Variants in CASP10 observed in about 807,000 individuals in gnomAD.
CASP10 encodes caspase 10, also known as caspase-10.
Under a neutral mutation model 48.5 loss-of-function variants are expected in CASP10, and 41 were observed. The observed-to-expected ratio is 0.85, with a 90% CI of 0.66 to 1.10. The LOEUF is 1.10. Among genes scored for constraint, CASP10 ranks in the 50% least tolerant of loss-of-function variants. CASP10 has a pLI of 0.00. For missense variants in CASP10, 614 were observed against 614.5 expected (o/e 1.00, Z 0.01); for synonymous variants, 232 against 238.4 (o/e 0.97, Z 0.25).
chr2:201,205,887 A>G lies in CASP10; in HGVS notation c.727A>G (p.Arg243Gly). 6.2e-7 allele frequency: 1 copy of G among 1,603,808 alleles called. No homozygotes were observed. Among genetic ancestry groups the G allele is most frequent in the Non-Finnish European group, 8.5e-7 (1 of 1,170,650 alleles). Residue 243 changes from arginine to glycine, a missense_variant, in exon 7 of 10, where the codon AGA becomes GGA. By Grantham distance (125) the Arg-to-Gly change is moderately radical. Transcript: ENST00000286186. ...CTGAGTACCTCTCTTTCTAGGTAAC[A>G]GAGCCACAAATGGTGCACCAAGCCT... Reference protein sequence around the residue: ...QNKHAGSNGNRATNGAPSLVS... With the variant: ...QNKHAGSNGNGATNGAPSLVS...
chr2:201,204,132 G>A lies in CASP10; in HGVS notation c.721+366G>A, dbSNP rs41393247. On this transcript the variant is annotated intron_variant, in intron 6 of 9. Coordinates refer to ENST00000286186, the MANE Select transcript of CASP10 (RefSeq NM_032977.4). ...ACAGCAGAATGTGCAGTCTGGGTGCGTGTCCTCTATGGAGTGGTTCCAGAT... is the reference window on the plus strand; with the variant it reads ...ACAGCAGAATGTGCAGTCTGGGTGCATGTCCTCTATGGAGTGGTTCCAGAT... 3.3e-3 allele frequency among the ~76,000 whole-genome samples: 496 copies of A among 152,308 alleles called. 2 individuals carry two copies. The highest frequency in any genetic ancestry group is 0.011 in the African/African-American group (466 of 41,568).
Position 201,185,795 on chromosome 2 carries a change from A to C in CASP10, c.18A>C (p.Gln6His), listed in dbSNP as rs1485351069. 1 of 1,613,664 alleles carries C rather than the reference A, an allele frequency of 6.2e-7. No homozygotes were observed. The highest frequency in any genetic ancestry group is 1.3e-5 in the African/African-American group (1 of 74,904). The stretch of plus-strand genomic sequence containing the variant: ...GGCTGGCCATGAAATCTCAAGGTCA[A>C]CATTGGTATTCCAGTTCAGATAAAA... Reference protein sequence around the residue: MKSQGQHWYSSSDKNC... With the variant: MKSQGHHWYSSSDKNC... Residue 6 changes from glutamine (Q) to histidine (H), a missense_variant, in exon 2 of 10, where the codon CAA (glutamine) becomes CAC (histidine). Transcript: ENST00000286186.
chr2:201,183,593 G>A (rs986917439), intron 1 of CASP10, among the ~76,000 whole-genome samples: 2 of 152,194 alleles, frequency 1.3e-5, no homozygotes, highest in Non-Finnish European at 2.9e-5. Flanking sequence ...AATGCTAGAT[G>A]CGGTAGAATA....
Position 201,187,717 on chromosome 2 carries a change from A to G in CASP10, c.359A>G (p.Tyr120Cys). ...GGTGTGTGTCTTAGAAACCTGCTCT[A>G]CGAACTGTCAGAAGGCATTGACTCA... ...QRVSLFRNLL[Y>C]ELSEGIDSEN... is the part of the protein sequence containing the mutation. The change falls in exon 3 of 10, where the codon TAC becomes TGC. Residue 120 changes from tyrosine (Y) to cysteine (C), a missense_variant. By Grantham distance (194) the Tyr-to-Cys change is radical (BLOSUM62 -2). Transcript: ENST00000286186. 1 of 1,613,866 alleles carries G rather than the reference A, an allele frequency of 6.2e-7. No individual in the cohort carries two copies.
Position 201,204,627 on chromosome 2 carries a change from A to G in CASP10, c.721+861A>G, listed in dbSNP as rs547592583. On this transcript the variant is annotated intron_variant, in intron 6 of 9. Transcript: ENST00000286186. ...AATCTAGTGCTTTGCACTGCAGCTA[A>G]AAGGCACCGCAGCTAAAAAGAAGTG... Among the ~76,000 whole-genome samples the G allele has an allele frequency of 6.6e-5, 10 of 152,288 alleles. No homozygotes were observed. In the East Asian group the frequency reaches 1.9e-3, roughly 29 times the overall value.
At position 201,219,593 on chromosome 2, in the gene CASP10, C is replaced by T. The variant is rs1945670327; in HGVS notation, c.*1852C>T. 1 of 985,378 alleles carries T rather than the reference C, an allele frequency of 1.0e-6. No homozygotes were observed. The highest frequency in any genetic ancestry group is 6.1e-5 in the Admixed American group (1 of 16,270). 61.0% of individuals were successfully genotyped at this position (985,378 alleles called of 1,614,324 possible). A position where few individuals can be genotyped will look rare whatever the true frequency, so the allele number is the denominator to read the frequency against. ...CAGAAACTGAAGCTGTTCTCAGGAT[C>T]ACTGGGCTCTTCTTGGCAGAGGGGA... On this transcript the variant is annotated 3_prime_UTR_variant, in exon 10 of 10. Transcript: ENST00000286186.
chr2:201,193,041 C>G lies in CASP10; in HGVS notation c.499C>G (p.Leu167Val). Residue 167 changes from leucine to valine, a missense_variant, in exon 4 of 10, where the codon CTG (leucine) becomes GTG (valine). Leu to Val is a conservative substitution (Grantham distance 32). Coordinates refer to ENST00000286186, the MANE Select transcript of CASP10 (RefSeq NM_032977.4). ...ACAAGGTAAAATAGATGAAGATAAT[C>G]TGACATGCCTGGAGGACCTCTGCAA... ...EKQGKIDEDN[L>V]TCLEDLCKTV... 2.5e-6 allele frequency: 4 copies of G among 1,613,618 alleles called. No homozygotes were observed. Among genetic ancestry groups the G allele is most frequent in the Non-Finnish European group, 3.4e-6 (4 of 1,179,596 alleles).
rs531380265 is a variant in CASP10, at chr2:201,188,015, T to C, written c.441+216T>C. Among the ~76,000 whole-genome samples the C allele has an allele frequency of 2.0e-5, 3 of 152,274 alleles. No homozygotes were observed. The South Asian group carries it at 6.2e-4, about 32-fold the overall frequency. On this transcript the variant is annotated intron_variant, in intron 3 of 9. Transcript: ENST00000286186. The stretch of plus-strand genomic sequence containing the variant: ...AGGCCAATGATTGAACTTTTCTGAG[T>C]CTCTATTTTCTTAGACGTAAAATTG...
downstream of CASP10, among the ~76,000 whole-genome samples, chr2:201,222,302 C>A (rs908017663): frequency 6.7e-6 from 1 of 149,564 alleles, no homozygotes; most frequent in East Asian, 2.0e-4. Context: ...CTGCAACCTT[C>A]GTCTCCTGGG....
chr2:201,190,693 G>A (rs955416080), intron 3 of CASP10, among the ~76,000 whole-genome samples: 2 of 152,076 alleles, frequency 1.3e-5, no homozygotes, highest in African/African-American at 4.8e-5. Context: ...ATGAGGTGGC[G>A]GGTGAGGGAC....
At chr2:201,197,184 C>CTTATGTTG (rs1559300275) in intron 5 of CASP10, among the ~76,000 whole-genome samples, 1 of 151,178 alleles carries the variant, frequency 6.6e-6, no homozygotes, top group Admixed American at 6.6e-5. Context: ...GCTATGTTGC[C>CTTATGTTG]CAGGCTGGTC....
At chr2:201,227,531 G>A (rs964312242) in intron 9 of CASP10, among the ~76,000 whole-genome samples, 1 of 152,184 alleles carries the variant, frequency 6.6e-6, no homozygotes, top group East Asian at 1.9e-4. Flanking sequence ...ATCCCAAACA[G>A]TTTCTTTTTT....
At position 201,209,137 on chromosome 2, in the gene CASP10, G is replaced by T. The variant is rs961557376; in HGVS notation, c.990G>T (p.Val330=). The change falls in exon 9 of 10, where the codon GTG becomes GTT. Residue 330 remains valine (V), a synonymous_variant. Coordinates refer to ENST00000286186, the MANE Select transcript of CASP10 (RefSeq NM_032977.4). The part of the protein sequence containing the change: ...TVHIHNNVTK[V]EMEMVLQKQK... ...ATATACACAATAATGTGACGAAAGT[G>T]GAAATGGAGATGGTCCTGCAGAAGC... 5 of 1,612,012 alleles carry T rather than the reference G, an allele frequency of 3.1e-6. No individual in the cohort carries two copies. The highest frequency in any genetic ancestry group is 4.2e-6 in the Non-Finnish European group (5 of 1,179,324).
chr2:201,187,806 G>A lies in CASP10; in HGVS notation c.441+7G>A. 1 of 1,602,350 alleles carries A rather than the reference G, an allele frequency of 6.2e-7. No individual in the cohort carries two copies. Among genetic ancestry groups the A allele is most frequent in the Non-Finnish European group, 8.6e-7 (1 of 1,169,330 alleles). On this transcript the variant is annotated splice_region_variant and intron_variant, in intron 3 of 9. Coordinates refer to ENST00000286186, the MANE Select transcript of CASP10 (RefSeq NM_032977.4). ...GCTTCCCAAAACTGAAATGGTGAGTGGGTCATACAGAATGGGTCTGTGTGA... is the reference window on the plus strand; with the variant it reads ...GCTTCCCAAAACTGAAATGGTGAGTAGGTCATACAGAATGGGTCTGTGTGA...
intron 5 of CASP10, among the ~76,000 whole-genome samples, chr2:201,201,606 G>GC (rs59656734): frequency 1 from 152,225 of 152,226 alleles, 76,112 homozygotes; most frequent in Non-Finnish European, 1. Context: ...CTTGGCCACG[G>GC]CACATGCAGT....
chr2:201,203,142 T>C (rs1945078337), intron 5 of CASP10, among the ~76,000 whole-genome samples: 2 of 152,046 alleles, frequency 1.3e-5, no homozygotes, highest in Admixed American at 1.3e-4. Context: ...AATCACTTCC[T>C]ATTGGTGGAC....
Position 201,218,327 on chromosome 2 carries a change from C to G in CASP10, c.*586C>G. Reference sequence around the variant, plus strand: ...TTGTGCAGGTACTTTTTCTTTGAGACAGAGTCACTCCGTCACCTGGGCTGG... The same window carrying G: ...TTGTGCAGGTACTTTTTCTTTGAGAGAGAGTCACTCCGTCACCTGGGCTGG... On this transcript the variant is annotated 3_prime_UTR_variant, in exon 10 of 10. Transcript: ENST00000286186. The G allele has an allele frequency of 1.0e-6, 1 of 992,506 alleles. No individual in the cohort carries two copies. The allele number at this position is 992,506 out of a possible 1,614,324, so 61.5% of individuals were successfully genotyped here.
At chr2:201,201,412 G>T (rs1945012910) in intron 5 of CASP10, among the ~76,000 whole-genome samples, 1 of 152,054 alleles carries the variant, frequency 6.6e-6, no homozygotes, top group African/African-American at 2.4e-5. Flanking sequence ...TCTGCTAAAT[G>T]TAACTCTTCC....
At chr2:201,222,870 A>G (rs995920913), downstream of CASP10, among the ~76,000 whole-genome samples, 3 of 152,202 alleles carry the variant, frequency 2.0e-5, no homozygotes, top group African/African-American at 7.2e-5. Flanking sequence ...CTAAACTAGA[A>G]GTTTACCTCA....
Sources: gnomAD v4.1 joint callset for allele counts (sites outside exome capture counted in the v4.1 genomes callset) on GRCh38, gnomAD v4.1.1 for gene constraint, MANE v1.5 for transcripts, NCBI Gene and HGNC (gene_info 2026-07-23, HGNC 2026-07-21) for gene names.